The following EDEM3 variants were observed in gnomAD, a reference collection of about 807,000 sequenced individuals.
EDEM3 encodes ER degradation-enhancing alpha-mannosidase-like protein 3.
EDEM3 carries 60 observed loss-of-function variants against 110.2 expected under a neutral mutation model. The ratio of observed to expected loss-of-function variants is 0.54; its 90% CI spans 0.44 to 0.67. The LOEUF (loss-of-function observed/expected upper bound fraction) is 0.67. EDEM3 is among the 30% of genes least tolerant of loss of function. EDEM3 has a pLI of 0.00. For synonymous variants in EDEM3, 352 were observed against 382.9 expected (o/e 0.92, Z 0.94); for missense variants, 996 against 1,121.0 (o/e 0.89, Z 1.59).
chr1:184,723,445 C>T (rs1425582496), intron 8 of EDEM3, among the ~76,000 whole-genome samples: 1 of 151,970 alleles, frequency 6.6e-6, no homozygotes, highest in Non-Finnish European at 1.5e-5. Context: ...TACTAAACCA[C>T]ACCTTGACGT....
rs755858237 is a variant in EDEM3, at chr1:184,712,549, A to G, written c.1420T>C (p.Phe474Leu). 1.6e-5 allele frequency: 25 copies of G among 1,583,672 alleles called. No individual in the cohort carries two copies. Among genetic ancestry groups the G allele is most frequent in the South Asian group, 2.3e-5 (2 of 86,898 alleles). The change falls in exon 14 of 20, where the codon TTT becomes CTT. Residue 474 changes from phenylalanine to leucine, a missense_variant. By Grantham distance (22) the Phe-to-Leu change is conservative (BLOSUM62 0). This residue lies in a region of EDEM3 where 310 missense variants were observed against 394.6 expected (regional missense o/e 0.79). Coordinates refer to ENST00000318130, the MANE Select transcript of EDEM3 (RefSeq NM_025191.4). ...AEMFKYLYLL[F>L]ADKEDIIFDI... ...AAAATAATGTCTTCTTTATCAGCAA[A>G]TAACAGGTAAAGATATTTAAACATT...
chr1:184,708,104 C>G (rs1461412194), intron 17 of EDEM3, 49 bp downstream of exon 17: 1 of 1,472,750 alleles, frequency 6.8e-7, no homozygotes, highest in East Asian at 2.5e-5. Flanking sequence ...TAAGGCAATA[C>G]TTAATATTTT....
chr1:184,752,979 A>G (rs1475558123), intron 1 of EDEM3, among the ~76,000 whole-genome samples: 2 of 152,234 alleles, frequency 1.3e-5, no homozygotes, highest in East Asian at 3.8e-4. Flanking sequence ...TTAAATTCAT[A>G]TGAGAGAAAA....
At chr1:184,743,579 A>C (rs1652259519) in intron 2 of EDEM3, among the ~76,000 whole-genome samples, 2 of 152,186 alleles carry the variant, frequency 1.3e-5, no homozygotes, top group African/African-American at 4.8e-5. Flanking sequence ...AAACCACTCA[A>C]GTCAAAGCAG....
rs757468892 is a variant in EDEM3 at position 184,702,860 on chromosome 1, C to T, written c.2340G>A (p.Arg780=). 16 of 1,612,244 alleles carry T rather than the reference C, an allele frequency of 9.9e-6. No individual in the cohort carries two copies. Among genetic ancestry groups the T allele is most frequent in the Non-Finnish European group, 1.4e-5 (16 of 1,179,238 alleles). ...GGAGCACTTCTACCTCCTCATATTC[C>T]CGGATGGCATCCAGTATGATACTTC... ...KEGSIILDAI[R]EYEEVEVLLS... Residue 780 remains arginine (R), a synonymous_variant, in exon 19 of 20, where the codon CGG becomes CGA. Transcript: ENST00000318130.
intron 19 of EDEM3, among the ~76,000 whole-genome samples, chr1:184,699,400 G>T (rs925662448): frequency 6.6e-6 from 1 of 151,810 alleles, no homozygotes; most frequent in African/African-American, 2.4e-5. Flanking sequence ...GGATTGATAG[G>T]GAACTTCCAG....
intron 19 of EDEM3, 28 bp downstream of exon 19, chr1:184,702,783 A>T: frequency 6.8e-7 from 1 of 1,475,454 alleles, no homozygotes; most frequent in Non-Finnish European, 9.0e-7. Context: ...TACGCTGCAT[A>T]AAAAAACAAA....
rs1215995449 is a variant in EDEM3, at chr1:184,694,128, A to G, written c.2734T>C (p.Ser912Pro). ...TCTTCATTCCAGTCTGCTAATATGGAGTCTATAGGCTGGACCTTTTTACCC... is the reference window on the plus strand; with the variant it reads ...TCTTCATTCCAGTCTGCTAATATGGGGTCTATAGGCTGGACCTTTTTACCC... ...SWGKKVQPID[S>P]ILADWNEDIE... The change falls in exon 20 of 20, where the codon TCC becomes CCC. Residue 912 changes from serine (S) to proline (P), a missense_variant. Ser to Pro is a moderately conservative substitution (Grantham distance 74, BLOSUM62 -1). Around this residue, in one of 5 missense-constraint regions of EDEM3, gnomAD observed 345 missense variants for 402.0 expected, o/e 0.86. Coordinates refer to ENST00000318130, the MANE Select transcript of EDEM3 (RefSeq NM_025191.4). 2 of 1,613,306 alleles carry G rather than the reference A, an allele frequency of 1.2e-6. No individual in the cohort carries two copies. Among genetic ancestry groups the G allele is most frequent in the South Asian group, 2.2e-5 (2 of 91,046 alleles).
intron 19 of EDEM3, among the ~76,000 whole-genome samples, chr1:184,695,900 A>G (rs1483910284): frequency 2.6e-5 from 4 of 151,888 alleles, no homozygotes; most frequent in South Asian, 2.1e-4. Context: ...CAATTCCCCA[A>G]AATATGGTGC....
intron 13 of EDEM3, among the ~76,000 whole-genome samples, 196 bp from the exon 14 acceptor site, chr1:184,712,794 A>G (rs1248752909): frequency 1.3e-5 from 2 of 152,194 alleles, no homozygotes; most frequent in African/African-American, 4.8e-5. Context: ...AAAAGACCAG[A>G]GGAGTTGTCT....
chr1:184,743,509 T>A (rs971638796), intron 2 of EDEM3, among the ~76,000 whole-genome samples: 1 of 152,054 alleles, frequency 6.6e-6, no homozygotes, highest in Non-Finnish European at 1.5e-5. Flanking sequence ...TAAATCATAA[T>A]AGACCCTCCA....
At chr1:184,697,156 C>T (rs1649374720) in intron 19 of EDEM3, among the ~76,000 whole-genome samples, 1 of 151,586 alleles carries the variant, frequency 6.6e-6, no homozygotes. Context: ...AGCTACAAAA[C>T]ATAGAATTAA....
intron 1 of EDEM3, among the ~76,000 whole-genome samples, chr1:184,753,707 C>G (rs775610232): frequency 5.9e-5 from 9 of 152,158 alleles, no homozygotes; most frequent in Non-Finnish European, 1.0e-4. Context: ...GCATCTCCTA[C>G]GTTTATGGAG....
rs1057122112 is a variant in EDEM3, at chr1:184,691,013, G to A, written c.*3050C>T. 1 of 152,440 alleles carries A rather than the reference G, an allele frequency of 6.6e-6. No homozygotes were observed. Among genetic ancestry groups the A allele is most frequent in the Non-Finnish European group, 1.5e-5 (1 of 67,954 alleles). 9.4% of individuals were successfully genotyped at this position (152,440 alleles called of 1,614,324 possible). A position where few individuals can be genotyped will look rare whatever the true frequency, so the allele number is the denominator to read the frequency against. ...TGTGATGGTAATTTAAATTTTAAAA[G>A]CTTCTTGAGAGAGTAATTACATTAG... On this transcript the variant is annotated 3_prime_UTR_variant, in exon 20 of 20. Transcript: ENST00000318130.
At position 184,726,263 on chromosome 1, in the gene EDEM3, T is replaced by C. The variant is rs150812544; in HGVS notation, c.739A>G (p.Ile247Val). Residue 247 changes from isoleucine to valine, a missense_variant, in exon 7 of 20, where the codon ATA becomes GTA. Physicochemically the swap from Ile to Val is conservative, Grantham distance 29 (BLOSUM62 3). Around this residue, in one of 5 missense-constraint regions of EDEM3, gnomAD observed 310 missense variants for 394.6 expected, o/e 0.79. Coordinates refer to ENST00000318130, the MANE Select transcript of EDEM3 (RefSeq NM_025191.4). ...AALSRFTGAT[I>V]FEEYARKALD... The stretch of plus-strand genomic sequence containing the variant: ...GACCGTAAAAAGCAAACCTCAAATA[T>C]TGTTGCTCCTGTGAATCGACTTAAA... 29 of 1,613,210 alleles carry C rather than the reference T, an allele frequency of 1.8e-5. No homozygotes were observed. Among genetic ancestry groups the C allele is most frequent in the Non-Finnish European group, 2.2e-5 (26 of 1,179,576 alleles).
chr1:184,719,102 A>ATG (rs1428584627), intron 11 of EDEM3, 60 bp downstream of exon 11: 64 of 859,466 alleles, frequency 7.4e-5, no homozygotes, highest in African/African-American at 2.8e-4. Flanking sequence ...GTATATGTGT[A>ATG]CGTGTGTGTG....
At chr1:184,716,752 TA>T in intron 13 of EDEM3, 135 bp downstream of exon 13, 1 of 1,292,114 alleles carries the variant, frequency 7.7e-7, no homozygotes, top group South Asian at 1.8e-5. Flanking sequence ...CAACAGAGTT[TA>T]AAAAAGTAAA....
chr1:184,701,378 A>C (rs1186409135), intron 19 of EDEM3: 6 of 384,116 alleles, frequency 1.6e-5, no homozygotes, highest in Non-Finnish European at 2.4e-5. Flanking sequence ...ATTACGTTAC[A>C]CAAGATATTA....
chr1:184,708,154 T>C lies in EDEM3; in HGVS notation c.2036A>G (p.Glu679Gly). Reference sequence around the variant, plus strand: ...CAACTATATTTTAAGTATACATACCTCTTTATGTTTAGACAGATCCAGCCC... The same window carrying C: ...CAACTATATTTTAAGTATACATACCCCTTTATGTTTAGACAGATCCAGCCC... The part of the protein sequence containing the change: ...QFGLDLSKHK[E>G]TRGFVASSKP... Residue 679 changes from glutamate to glycine, a missense_variant and splice_region_variant, in exon 17 of 20, where the codon GAG becomes GGG. This residue lies in a region of EDEM3 where 345 missense variants were observed against 402.0 expected (regional missense o/e 0.86). Coordinates refer to ENST00000318130, the MANE Select transcript of EDEM3 (RefSeq NM_025191.4). The C allele has an allele frequency of 6.2e-7, 1 of 1,609,272 alleles. No homozygotes were observed. The highest frequency in any genetic ancestry group is 8.5e-7 in the Non-Finnish European group (1 of 1,178,084).
Sources: gnomAD v4.1 joint callset for allele counts (sites outside exome capture counted in the v4.1 genomes callset) on GRCh38, gnomAD v4.1.1 for gene constraint, gnomAD v4.1.1 regional missense constraint, MANE v1.5 for transcripts, NCBI Gene and HGNC (gene_info 2026-07-23, HGNC 2026-07-21) for gene names.